The following WWOX variants were observed in gnomAD, a reference collection of about 807,000 sequenced individuals.
WWOX encodes the protein WW domain-containing oxidoreductase.
In WWOX, 69 loss-of-function variants were observed where a neutral mutation model predicts 46.2. The ratio of observed to expected loss-of-function variants is 1.49; its 90% CI spans 1.23 to 1.82. The LOEUF is 1.82. Ranked by LOEUF, WWOX falls within the 40% of genes most tolerant of loss-of-function variation. The probability of loss-of-function intolerance (pLI) is 0.00; values close to 1 mark genes in which losing one functional copy is unlikely to be tolerated. For missense variants in WWOX, 919 were observed against 542.6 expected (o/e 1.69, Z -6.89); for synonymous variants, 359 against 202.6 (o/e 1.77, Z -6.56).
At chr16:78,478,259 C>T (rs1412413674) in intron 8 of WWOX, among the ~76,000 whole-genome samples, 1 of 152,086 alleles carries the variant, frequency 6.6e-6, no homozygotes, top group African/African-American at 2.4e-5. Flanking sequence ...TGGCCTATTC[C>T]ATTCTTTTTA....
chr16:78,157,172 C>T (rs1040849210), intron 4 of WWOX, among the ~76,000 whole-genome samples: 8 of 152,120 alleles, frequency 5.3e-5, no homozygotes, highest in East Asian at 1.9e-4. Flanking sequence ...TCCACCATTC[C>T]GTCCAAGATC....
At chr16:78,779,897 G>C (rs962290796) in intron 8 of WWOX, among the ~76,000 whole-genome samples, 10 of 152,172 alleles carry the variant, frequency 6.6e-5, no homozygotes, top group Non-Finnish European at 1.5e-4. Context: ...TACTCTTCCT[G>C]CTATAGATTA....
chr16:79,071,609 C>T (rs1021670506), intron 8 of WWOX, among the ~76,000 whole-genome samples: 3 of 152,252 alleles, frequency 2.0e-5, no homozygotes, highest in Non-Finnish European at 2.9e-5. Flanking sequence ...TCCCATTACA[C>T]GCTCAGGCTT....
intron 8 of WWOX, among the ~76,000 whole-genome samples, chr16:79,097,617 C>T (rs780955967): frequency 3.3e-5 from 5 of 152,100 alleles, no homozygotes; most frequent in East Asian, 1.9e-4. Flanking sequence ...CTGAGAATGA[C>T]GACATTCAAC....
chr16:78,852,479 G>C (rs2052470382), intron 8 of WWOX, among the ~76,000 whole-genome samples: 1 of 152,098 alleles, frequency 6.6e-6, no homozygotes, highest in Admixed American at 6.5e-5. Context: ...AGACCAGATT[G>C]CCAGCCAACA....
At chr16:79,005,094 G>T (rs13332891) in intron 8 of WWOX, among the ~76,000 whole-genome samples, 5 of 152,030 alleles carry the variant, frequency 3.3e-5, no homozygotes, top group African/African-American at 1.2e-4. Flanking sequence ...TCAGTCCTCA[G>T]TGTACCCCAG....
chr16:78,772,108 C>G (rs535339032), intron 8 of WWOX, among the ~76,000 whole-genome samples: 5 of 152,226 alleles, frequency 3.3e-5, no homozygotes, highest in South Asian at 2.1e-4. Flanking sequence ...CTTCATGTCA[C>G]AAAGGTTTGT....
intron 5 of WWOX, among the ~76,000 whole-genome samples, chr16:78,366,557 C>G (rs995144905): frequency 2.6e-5 from 4 of 152,206 alleles, no homozygotes; most frequent in Non-Finnish European, 5.9e-5. Flanking sequence ...GGTCAACTAA[C>G]TGTGCCCTTC....
At chr16:78,937,888 A>G (rs144685221) in intron 8 of WWOX, among the ~76,000 whole-genome samples, 14 of 152,094 alleles carry the variant, frequency 9.2e-5, no homozygotes, top group African/African-American at 1.7e-4. Flanking sequence ...TCTCTCTCCC[A>G]AAGTGTTGGG....
intron 8 of WWOX, among the ~76,000 whole-genome samples, chr16:79,120,853 C>T (rs1343229495): frequency 6.6e-6 from 1 of 152,218 alleles, no homozygotes; most frequent in Non-Finnish European, 1.5e-5. Flanking sequence ...ACTGCATCCT[C>T]CATCTCCCAG....
At chr16:78,339,312 A>G (rs189050982) in intron 5 of WWOX, among the ~76,000 whole-genome samples, 2 of 114,332 alleles carry the variant, frequency 1.7e-5, no homozygotes, top group African/African-American at 5.9e-5. Context: ...TGATGTACCT[A>G]TCATTCAACC....
chr16:78,618,010 C>T (rs569662409), intron 8 of WWOX, among the ~76,000 whole-genome samples: 12 of 152,214 alleles, frequency 7.9e-5, no homozygotes, highest in African/African-American at 2.9e-4. Flanking sequence ...TTATTGAGCA[C>T]CTGCTATGAG....
intron 8 of WWOX, among the ~76,000 whole-genome samples, chr16:79,124,011 C>T (rs1478890806): frequency 6.6e-6 from 1 of 152,162 alleles, no homozygotes; most frequent in Non-Finnish European, 1.5e-5. Context: ...TAAACTCTGC[C>T]TTCTCGAGCC....
At chr16:78,150,460 C>G (rs1597272009) in intron 4 of WWOX, among the ~76,000 whole-genome samples, 1 of 152,242 alleles carries the variant, frequency 6.6e-6, no homozygotes, top group African/African-American at 2.4e-5. Context: ...CTCATTACAG[C>G]CAGGACCTCC....
intron 8 of WWOX, 145 bp downstream of exon 8, chr16:78,432,897 C>T: frequency 1.6e-6 from 2 of 1,286,332 alleles, no homozygotes; most frequent in Non-Finnish European, 2.2e-6. Context: ...CTCTTGAACA[C>T]ATTTTCATCA....
At chr16:78,695,576 C>T (rs1376107528) in intron 8 of WWOX, among the ~76,000 whole-genome samples, 1 of 152,128 alleles carries the variant, frequency 6.6e-6, no homozygotes, top group Non-Finnish European at 1.5e-5. Flanking sequence ...GTTCAGCGGG[C>T]TGGATCAGAG....
At chr16:78,676,182 T>G (rs568146020) in intron 8 of WWOX, among the ~76,000 whole-genome samples, 2 of 151,814 alleles carry the variant, frequency 1.3e-5, no homozygotes, top group African/African-American at 4.8e-5. Context: ...CTCTATAGCT[T>G]GCTGTCTTGT....
At chr16:78,908,785 T>G (rs55855050) in intron 8 of WWOX, among the ~76,000 whole-genome samples, 28,827 of 151,992 alleles carry the variant, frequency 0.19, 3,180 homozygotes, top group East Asian at 0.28. Flanking sequence ...ATGAGTCAAT[T>G]TATTGACCTG....
chr16:78,617,667 G>A (rs928516078), intron 8 of WWOX, among the ~76,000 whole-genome samples: 1 of 152,086 alleles, frequency 6.6e-6, no homozygotes, highest in Admixed American at 6.5e-5. Context: ...AGCTTGCATG[G>A]CGCTCAGGTA....
Sources: allele counts gnomAD v4.1 joint callset (sites outside exome capture counted in the v4.1 genomes callset), GRCh38; gene constraint gnomAD v4.1.1; transcripts MANE v1.5; gene names NCBI Gene and HGNC (gene_info 2026-07-23, HGNC 2026-07-21).